Variants in UNC5D observed in about 807,000 individuals in gnomAD.
UNC5D encodes netrin receptor UNC5D.
In UNC5D, 39 loss-of-function variants were observed where a neutral mutation model predicts 105.4. That is an observed-to-expected ratio of 0.37 (90% CI 0.29 to 0.48). The LOEUF (loss-of-function observed/expected upper bound fraction) is 0.48. Ranked by LOEUF, UNC5D falls within the 20% of genes least tolerant of loss-of-function variation. The pLI is 0.98. For missense variants in UNC5D, 991 were observed against 1,202.4 expected, an observed-to-expected ratio of 0.82 and a Z score of 2.60; for synonymous variants, 452 against 450.4, an observed-to-expected ratio of 1.00 and a Z score of -0.04.
chr8:35,547,727 G>A (rs1286680486), intron 1 of UNC5D, among the ~76,000 whole-genome samples: 1 of 152,248 alleles, frequency 6.6e-6, no homozygotes, highest in African/African-American at 2.4e-5. Flanking sequence ...CAGAAAGCAG[G>A]TCAGGTCACA....
At chr8:35,330,781 T>A (rs572658270) in intron 1 of UNC5D, among the ~76,000 whole-genome samples, 1 of 152,310 alleles carries the variant, frequency 6.6e-6, no homozygotes, top group South Asian at 2.1e-4. Context: ...AGATGAACCA[T>A]GACAGGCCTC....
intron 1 of UNC5D, among the ~76,000 whole-genome samples, chr8:35,268,744 T>C (rs1805065913): frequency 6.6e-6 from 1 of 152,174 alleles, no homozygotes; most frequent in South Asian, 2.1e-4. Flanking sequence ...TTAACTCTTT[T>C]AATGCTCATA....
intron 1 of UNC5D, among the ~76,000 whole-genome samples, chr8:35,386,841 A>G (rs1339774866): frequency 6.6e-6 from 1 of 152,230 alleles, no homozygotes; most frequent in Non-Finnish European, 1.5e-5. Context: ...AGAAAATGCT[A>G]TAGATAGGGC....
At chr8:35,459,851 G>A (rs1017200139) in intron 1 of UNC5D, among the ~76,000 whole-genome samples, 5 of 152,096 alleles carry the variant, frequency 3.3e-5, no homozygotes, top group Non-Finnish European at 7.4e-5. Context: ...TTGATTTTAT[G>A]CCATTGGACA....
At chr8:35,712,628 G>T (rs759217361) in intron 8 of UNC5D, among the ~76,000 whole-genome samples, 3 of 152,136 alleles carry the variant, frequency 2.0e-5, no homozygotes, top group Non-Finnish European at 4.4e-5. Flanking sequence ...AAATGCAGAG[G>T]GTTCATTCAG....
chr8:35,542,632 G>A (rs1037427693), intron 1 of UNC5D, among the ~76,000 whole-genome samples: 5 of 152,210 alleles, frequency 3.3e-5, no homozygotes, highest in Admixed American at 6.5e-5. Context: ...CTGGTGTACA[G>A]TGTAACCATT....
intron 1 of UNC5D, among the ~76,000 whole-genome samples, chr8:35,286,305 A>G (rs1806594608): frequency 6.6e-6 from 1 of 152,138 alleles, no homozygotes; most frequent in Non-Finnish European, 1.5e-5. Context: ...AAGAATACCA[A>G]CCCAAATATT....
intron 1 of UNC5D, among the ~76,000 whole-genome samples, chr8:35,357,781 A>G (rs761554976): frequency 3.3e-5 from 5 of 152,154 alleles, no homozygotes; most frequent in Non-Finnish European, 7.3e-5. Flanking sequence ...GCTTTGGCTG[A>G]TGGTATGATC....
rs771189162 is a variant in UNC5D, at chr8:35,726,300, A to T, written c.1452A>T (p.Lys484Asn). The T allele has an allele frequency of 1.2e-6, 2 of 1,614,100 alleles. No individual in the cohort carries two copies. The highest frequency in any genetic ancestry group is 2.2e-5 in the South Asian group (2 of 91,076). ...LFNPLSDIKVKVQSSFMVSLG... is the reference protein window; with the variant it reads ...LFNPLSDIKVNVQSSFMVSLG... The stretch of plus-strand genomic sequence containing the variant: ...ACCCTTTGTCGGACATCAAAGTGAA[A>T]GTCCAGAGCTCGTTCATGGTTTCCC... Residue 484 changes from lysine to asparagine, a missense_variant, in exon 10 of 17, where the codon AAA (lysine) becomes AAT (asparagine). By Grantham distance (94) the Lys-to-Asn change is moderately conservative. Transcript: ENST00000404895.
intron 1 of UNC5D, among the ~76,000 whole-genome samples, chr8:35,493,310 C>CAAAAA (rs1811336731): frequency 7.4e-6 from 1 of 134,418 alleles, no homozygotes; most frequent in Non-Finnish European, 1.6e-5. Flanking sequence ...AAAAACACAC[C>CAAAAA]AAAAAACAAA....
intron 3 of UNC5D, among the ~76,000 whole-genome samples, chr8:35,587,097 C>T (rs1298748983): frequency 2.0e-5 from 3 of 152,176 alleles, no homozygotes; most frequent in Non-Finnish European, 4.4e-5. Flanking sequence ...ATATGATTTA[C>T]AGGTTAGCCA....
Position 35,409,431 on chromosome 8 carries a change from ATTTT to A in UNC5D, c.104-139860_104-139857del, listed in dbSNP as rs879711500. 8.9e-3 allele frequency among the ~76,000 whole-genome samples: 1,350 copies of A among 151,908 alleles called. 22 individuals are homozygous for A. The highest frequency in any genetic ancestry group is 0.079 in the South Asian group (378 of 4,808). On this transcript the variant is annotated intron_variant, in intron 1 of 16. Coordinates refer to ENST00000404895, the MANE Select transcript of UNC5D (RefSeq NM_080872.4). ...CTTTTGTTGTTGTTTGTTTGTTTTC[ATTTT>A]ATCCTTCTAATAGGTGGATACTGGT...
At chr8:35,743,338 C>T (rs901885257) in intron 11 of UNC5D, among the ~76,000 whole-genome samples, 10 of 151,936 alleles carry the variant, frequency 6.6e-5, no homozygotes, top group Admixed American at 3.3e-4. Flanking sequence ...GGGGTGATCT[C>T]GGCTCACTGC....
chr8:35,736,211 A>G (rs1402482102), intron 11 of UNC5D, among the ~76,000 whole-genome samples: 1 of 152,160 alleles, frequency 6.6e-6, no homozygotes, highest in Non-Finnish European at 1.5e-5. Context: ...TAAAAATAAA[A>G]TAAAACAAAA....
intron 1 of UNC5D, among the ~76,000 whole-genome samples, chr8:35,397,453 CTA>C (rs138784171): frequency 0.014 from 2,111 of 152,288 alleles, 27 homozygotes; most frequent in Middle Eastern, 0.024. Context: ...ACAGTCTGGA[CTA>C]TGTTAACCTT....
At chr8:35,691,741 G>GA (rs1826411170) in intron 7 of UNC5D, among the ~76,000 whole-genome samples, 1 of 152,116 alleles carries the variant, frequency 6.6e-6, no homozygotes, top group Non-Finnish European at 1.5e-5. Flanking sequence ...CTTTCTCCTT[G>GA]CTGTACATAC....
intron 1 of UNC5D, among the ~76,000 whole-genome samples, chr8:35,432,433 C>T (rs1313345802): frequency 6.6e-6 from 1 of 152,088 alleles, no homozygotes; most frequent in Admixed American, 6.6e-5. Flanking sequence ...GTACCTCTTC[C>T]CAGGCTGGCT....
intron 1 of UNC5D, among the ~76,000 whole-genome samples, chr8:35,293,260 A>T (rs2128863643): frequency 6.6e-6 from 1 of 152,214 alleles, no homozygotes; most frequent in Middle Eastern, 3.4e-3. Flanking sequence ...ATTATAATTT[A>T]TCTGAATTTT....
rs1021728166 is a variant in UNC5D at position 35,555,922 on chromosome 8, C to G, written c.322+6412C>G. Among the ~76,000 whole-genome samples, 490 of 109,522 alleles carry G rather than the reference C, an allele frequency of 4.5e-3. 4 individuals carry two copies. Among genetic ancestry groups the G allele is most frequent in the African/African-American group, 0.018 (457 of 25,952 alleles). 71.9% of individuals were successfully genotyped at this position (109,522 alleles called of 152,430 possible). On this transcript the variant is annotated intron_variant, in intron 2 of 16. Transcript: ENST00000404895. ...ACACACACACACACACACACACACACACAGAAAAAGAAACCTGAGGTTAGC... is the reference window on the plus strand; with the variant it reads ...ACACACACACACACACACACACACAGACAGAAAAAGAAACCTGAGGTTAGC...
Sources: allele counts gnomAD v4.1 joint callset (sites outside exome capture counted in the v4.1 genomes callset), GRCh38; gene constraint gnomAD v4.1.1; transcripts MANE v1.5; gene names NCBI Gene and HGNC (gene_info 2026-07-23, HGNC 2026-07-21).